MAN1A2: variants seen among roughly 807,000 people sequenced by gnomAD.
The protein encoded by MAN1A2 is mannosyl-oligosaccharide 1,2-alpha-mannosidase IB.
A neutral mutation model predicts 75.7 loss-of-function variants in MAN1A2; 26 were observed. That is an observed-to-expected ratio of 0.34 (90% CI 0.25 to 0.48). MAN1A2 has a LOEUF of 0.48. Among genes scored for constraint, MAN1A2 ranks in the 20% least tolerant of loss-of-function variants. The pLI is 0.99. For missense variants in MAN1A2, 562 were observed against 775.5 expected (o/e 0.72, Z 3.27); for synonymous variants, 247 against 264.6 (o/e 0.93, Z 0.65).
chr1:117,403,978 A>T (rs1026649284), intron 2 of MAN1A2, among the ~76,000 whole-genome samples: 3 of 152,156 alleles, frequency 2.0e-5, no homozygotes, highest in African/African-American at 7.2e-5. Context: ...TTTATCATGA[A>T]TGAGTGTTGA....
chr1:117,521,524 A>G (rs562258675), intron 12 of MAN1A2, among the ~76,000 whole-genome samples: 25 of 152,078 alleles, frequency 1.6e-4, no homozygotes, highest in African/African-American at 5.8e-4. Context: ...ATCAAAAAAC[A>G]CTATATGTGG....
At chr1:117,509,748 T>G (rs1002805775) in intron 12 of MAN1A2, among the ~76,000 whole-genome samples, 1 of 151,880 alleles carries the variant, frequency 6.6e-6, no homozygotes, top group Non-Finnish European at 1.5e-5. Context: ...ATACAGCTTT[T>G]TTTGAATTAT....
chr1:117,409,974 GC>G (rs1273317300), intron 3 of MAN1A2, among the ~76,000 whole-genome samples: 2 of 151,854 alleles, frequency 1.3e-5, no homozygotes, highest in Non-Finnish European at 2.9e-5. Flanking sequence ...ATCCATGGAT[GC>G]CCAAGTCTCT....
intron 12 of MAN1A2, among the ~76,000 whole-genome samples, chr1:117,511,356 G>A (rs747384346): frequency 6.6e-6 from 1 of 152,006 alleles, no homozygotes; most frequent in Admixed American, 6.6e-5. Context: ...TTCTTGTTTG[G>A]TAGAGATGCG....
chr1:117,445,184 G>C (rs1649172869), intron 6 of MAN1A2, among the ~76,000 whole-genome samples: 1 of 151,976 alleles, frequency 6.6e-6, no homozygotes, highest in Non-Finnish European at 1.5e-5. Flanking sequence ...ATTTTCAAAT[G>C]TTAAATCAAC....
chr1:117,466,253 A>G (rs1649978582), intron 7 of MAN1A2, 81 bp from the exon 8 acceptor site: 3 of 909,162 alleles, frequency 3.3e-6, no homozygotes, highest in Non-Finnish European at 5.0e-6. Context: ...CTGAGTAAGA[A>G]AAAACACAAA....
intron 6 of MAN1A2, among the ~76,000 whole-genome samples, chr1:117,453,926 C>A (rs567523009): frequency 4.6e-5 from 7 of 152,196 alleles, no homozygotes; most frequent in Non-Finnish European, 8.8e-5. Context: ...TCAGCAGCCA[C>A]CACCCTGATC....
At position 117,526,880 on chromosome 1, in the gene MAN1A2, C is replaced by CTCTCTCTCTCTCTCTATATA; in HGVS notation, c.*3924_*3925insCTCTCTCTCTCTCTATATAT. The CTCTCTCTCTCTCTCTATATA allele has an allele frequency of 1.5e-4, 8 of 54,518 alleles. No individual in the cohort carries two copies. Among genetic ancestry groups the CTCTCTCTCTCTCTCTATATA allele is most frequent in the African/African-American group, 3.3e-4 (4 of 12,286 alleles). 3.4% of individuals were successfully genotyped at this position (54,518 alleles called of 1,614,324 possible). On this transcript the variant is annotated 3_prime_UTR_variant, in exon 13 of 13. Transcript: ENST00000356554. ...TCTCTCTCTCTCTCTCTCTCTCTCT[C>CTCTCTCTCTCTCTCTATATA]TATATATATATATATATATATATAT...
intron 5 of MAN1A2, among the ~76,000 whole-genome samples, chr1:117,423,656 T>C (rs931738860): frequency 1.3e-5 from 2 of 152,144 alleles, no homozygotes; most frequent in African/African-American, 4.8e-5. Context: ...TATAAATACA[T>C]TTGATTTTTA....
chr1:117,405,581 A>G lies in MAN1A2; in HGVS notation c.591A>G (p.Thr197=), dbSNP rs201770135. 31 of 1,607,008 alleles carry G rather than the reference A, an allele frequency of 1.9e-5. No individual in the cohort carries two copies. The African/African-American group carries it at 3.1e-4, about 16-fold the overall frequency. ...MMKHAWDNYR[T]YGWGHNELRP... is the part of the protein sequence containing the mutation. ...AACATGCTTGGGATAACTATAGGAC[A>G]TATGGGTGGGGACATAATGAACTCA... Residue 197 remains threonine (T), a synonymous_variant, in exon 3 of 13, where the codon ACA becomes ACG. Transcript: ENST00000356554.
intron 3 of MAN1A2, among the ~76,000 whole-genome samples, chr1:117,411,273 T>C (rs1647809326): frequency 6.6e-6 from 1 of 151,742 alleles, no homozygotes; most frequent in African/African-American, 2.4e-5. Flanking sequence ...AGAATAGAAA[T>C]AGAAGTGTAC....
Position 117,522,843 on chromosome 1 carries a change from C to T in MAN1A2, c.1812C>T (p.Phe604=), listed in dbSNP as rs1301834350. The T allele has an allele frequency of 6.2e-7, 1 of 1,611,140 alleles. No homozygotes were observed. The highest frequency in any genetic ancestry group is 8.5e-7 in the Non-Finnish European group (1 of 1,178,208). The change falls in exon 13 of 13, where the codon TTC becomes TTT. Residue 604 remains phenylalanine, a synonymous_variant. Coordinates refer to ENST00000356554, the MANE Select transcript of MAN1A2 (RefSeq NM_006699.5). The stretch of plus-strand genomic sequence containing the variant: ...TTTTCAGATATTTGTATCTGCTGTT[C>T]TCCGGTGATGACCTTTTACCTTTAG... The part of the protein sequence containing the change: ...AETLKYLYLL[F]SGDDLLPLDH...
chr1:117,519,866 G>A (rs1324577185), intron 12 of MAN1A2, among the ~76,000 whole-genome samples: 1 of 151,846 alleles, frequency 6.6e-6, no homozygotes, highest in Non-Finnish European at 1.5e-5. Flanking sequence ...ACCAGGAAAG[G>A]ACATACCCAA....
chr1:117,485,722 C>T (rs1284527415), intron 8 of MAN1A2, among the ~76,000 whole-genome samples: 1 of 151,980 alleles, frequency 6.6e-6, no homozygotes, highest in Non-Finnish European at 1.5e-5. Context: ...AATAACTATA[C>T]AGCCCTCTTT....
intron 1 of MAN1A2, among the ~76,000 whole-genome samples, chr1:117,382,770 G>A (rs1471244067): frequency 6.6e-6 from 1 of 152,042 alleles, no homozygotes; most frequent in East Asian, 1.9e-4. Flanking sequence ...AATTACCTTG[G>A]GCAGTATGGC....
intron 8 of MAN1A2, among the ~76,000 whole-genome samples, chr1:117,488,396 A>T (rs759530096): frequency 5.3e-5 from 8 of 151,958 alleles, no homozygotes; most frequent in Non-Finnish European, 1.0e-4. Context: ...GAGTTTCACC[A>T]TGTTGGCCAG....
rs1409330891 is a variant in MAN1A2, at chr1:117,486,982, GT to G, written c.1169-6164del. Among the ~76,000 whole-genome samples, 14 of 152,094 alleles carry G rather than the reference GT, an allele frequency of 9.2e-5. No individual in the cohort carries two copies. In the Middle Eastern group the frequency reaches 0.024, roughly 259 times the overall value. ...GGAGAAGAGAGCTGAGTGTGAGTAAGTAAGATTGGGAACATATTAAGCCTAT... is the reference window on the plus strand; with the variant it reads ...GGAGAAGAGAGCTGAGTGTGAGTAAGAAGATTGGGAACATATTAAGCCTAT... On this transcript the variant is annotated intron_variant, in intron 8 of 12. Coordinates refer to ENST00000356554, the MANE Select transcript of MAN1A2 (RefSeq NM_006699.5).
chr1:117,519,958 C>T (rs1196808488), intron 12 of MAN1A2, among the ~76,000 whole-genome samples: 1 of 152,044 alleles, frequency 6.6e-6, no homozygotes, highest in East Asian at 1.9e-4. Flanking sequence ...AATCCAACAA[C>T]ATATCAAAAA....
intron 6 of MAN1A2, among the ~76,000 whole-genome samples, chr1:117,454,877 C>CT (rs891640163): frequency 1.3e-5 from 2 of 151,878 alleles, no homozygotes; most frequent in African/African-American, 4.8e-5. Context: ...TAAAGGTCTA[C>CT]TGTGGGAAGG....
Sources: allele counts gnomAD v4.1 joint callset (sites outside exome capture counted in the v4.1 genomes callset), GRCh38; gene constraint gnomAD v4.1.1; transcripts MANE v1.5; gene names NCBI Gene and HGNC (gene_info 2026-07-23, HGNC 2026-07-21).